The following POU6F1 variants were observed in gnomAD, a reference collection of about 807,000 sequenced individuals.
The protein encoded by POU6F1 is POU domain, class 6, transcription factor 1.
A neutral mutation model predicts 28.9 loss-of-function variants in POU6F1; 9 were observed. That is an observed-to-expected ratio of 0.31 (90% CI 0.19 to 0.54). The LOEUF is 0.54. Among genes scored for constraint, POU6F1 ranks in the 20% least tolerant of loss-of-function variants. The pLI is 0.94. For missense variants in POU6F1, 338 were observed against 426.1 expected (o/e 0.79, Z 1.82); for synonymous variants, 173 against 171.1 (o/e 1.01, Z -0.09).
In POU6F1 at chr12:51,190,279, T is replaced by C; in HGVS notation, c.1804A>G (p.Thr602Ala). Residue 602 changes from threonine (T) to alanine (A), a missense_variant, in exon 11 of 11, where the codon ACC (threonine) becomes GCC (alanine). Physicochemically the swap from Thr to Ala is moderately conservative, Grantham distance 58 (BLOSUM62 0). Around this residue, in one of 3 missense-constraint regions of POU6F1, gnomAD observed 126 missense variants for 176.5 expected, o/e 0.71. Coordinates refer to ENST00000333640, the MANE Select transcript of POU6F1 (RefSeq NM_001330422.2). This position sits in a 1 kb window ranked among gnomAD's most constrained non-coding sequence, Gnocchi z 4.5. ...ATCTGAAAGACGTTCAGCTTGCTGG[T>C]GTTCTTGAGCGTCTGGCGCCGATTG... ...FCNRRQTLKN[T>A]SKLNVFQIP 1 of 1,614,182 alleles carries C rather than the reference T, an allele frequency of 6.2e-7. No homozygotes were observed.
At chr12:51,194,119 C>T (rs913163277) in intron 8 of POU6F1, among the ~76,000 whole-genome samples, 7 of 152,108 alleles carry the variant, frequency 4.6e-5, no homozygotes, top group South Asian at 2.1e-4. Context: ...CTCTGCCTCC[C>T]GGGTTCAAGC....
intron 1 of POU6F1, among the ~76,000 whole-genome samples, chr12:51,213,517 T>C (rs1324376978): frequency 6.6e-6 from 1 of 151,990 alleles, no homozygotes; most frequent in Non-Finnish European, 1.5e-5. Flanking sequence ...CCTGGCCCAT[T>C]TCTATGGTTT....
At chr12:51,209,341 T>C (rs1943834866) in intron 1 of POU6F1, among the ~76,000 whole-genome samples, 1 of 152,236 alleles carries the variant, frequency 6.6e-6, no homozygotes, top group South Asian at 2.1e-4. Flanking sequence ...GCTTTCTCTA[T>C]GGGGTTCCCT....
rs879596037 is a variant in POU6F1, at chr12:51,217,425, C to T, written c.-48+217G>A. Reference sequence around the variant, plus strand: ...GGGCGCGGCCCCCGGGTGTCTAGCCCCAGCTGGGCAACCGCGCGCTGTCCC... The same window carrying T: ...GGGCGCGGCCCCCGGGTGTCTAGCCTCAGCTGGGCAACCGCGCGCTGTCCC... On this transcript the variant is annotated intron_variant, in intron 1 of 10. Coordinates refer to ENST00000333640, the MANE Select transcript of POU6F1 (RefSeq NM_001330422.2). This position sits in a 1 kb window ranked among gnomAD's most constrained non-coding sequence, Gnocchi z 5.3. Among the ~76,000 whole-genome samples, 3 of 152,060 alleles carry T rather than the reference C, an allele frequency of 2.0e-5. No homozygotes were observed. The highest frequency in any genetic ancestry group is 6.6e-5 in the Admixed American group (1 of 15,266).
At position 51,192,407 on chromosome 12, in the gene POU6F1, G is replaced by A. The variant is rs775556923; in HGVS notation, c.1244C>T (p.Pro415Leu). The change falls in exon 9 of 11, where the codon CCA becomes CTA. Residue 415 changes from proline to leucine, a missense_variant. Coordinates refer to ENST00000333640, the MANE Select transcript of POU6F1 (RefSeq NM_001330422.2). ...AGCAGAGGCAGATGGCTTGGCGGCT[G>A]GAGCTGGGCTGGCAATGACCACAGC... ...QPAVVIASPAPAAKPSASAPI... is the reference protein window; with the variant it reads ...QPAVVIASPALAAKPSASAPI... The A allele has an allele frequency of 6.2e-7, 1 of 1,614,124 alleles. No homozygotes were observed. Among genetic ancestry groups the A allele is most frequent in the Non-Finnish European group, 8.5e-7 (1 of 1,180,034 alleles).
chr12:51,193,377 C>T (rs922296083), intron 8 of POU6F1, among the ~76,000 whole-genome samples: 3 of 152,182 alleles, frequency 2.0e-5, no homozygotes, highest in African/African-American at 7.2e-5. Flanking sequence ...GAGTTCAAGA[C>T]CAGCCTGGCT....
chr12:51,190,826 C>T lies in POU6F1; in HGVS notation c.1491-234G>A, dbSNP rs148351378. Among the ~76,000 whole-genome samples, 3 of 152,232 alleles carry T rather than the reference C, an allele frequency of 2.0e-5. No individual in the cohort carries two copies. Among genetic ancestry groups the T allele is most frequent in the South Asian group, 2.1e-4 (1 of 4,822 alleles). The stretch of plus-strand genomic sequence containing the variant: ...AACAGGGAAACCATTCCCACGGCCT[C>T]GGCTCAGTCAGTAGTGGAATAATAA... On this transcript the variant is annotated intron_variant, in intron 10 of 10. Coordinates refer to ENST00000333640, the MANE Select transcript of POU6F1 (RefSeq NM_001330422.2). This position sits in a 1 kb window ranked among gnomAD's most constrained non-coding sequence, Gnocchi z 4.5.
At chr12:51,207,462 G>A (rs893083634) in intron 1 of POU6F1, 1 of 152,200 alleles carries the variant, frequency 6.6e-6, no homozygotes, top group Non-Finnish European at 1.5e-5. Context: ...CCAGTCCGGT[G>A]GGAGAGCACA....
At chr12:51,192,571 T>A (rs1226221314) in intron 8 of POU6F1, 100 bp from the exon 9 acceptor site, 2 of 1,458,792 alleles carry the variant, frequency 1.4e-6, no homozygotes, top group Non-Finnish European at 1.9e-6. Context: ...AGACATGAAA[T>A]CCTCACGCAT....
At chr12:51,206,402 GAC>G (rs1943620756) in intron 2 of POU6F1, among the ~76,000 whole-genome samples, 1 of 149,258 alleles carries the variant, frequency 6.7e-6, no homozygotes, top group Non-Finnish European at 1.5e-5. Context: ...CAGCCTGGGT[GAC>G]AGAGTGAGAC....
Position 51,189,345 on chromosome 12 carries a change from T to G in POU6F1, c.*902A>C, listed in dbSNP as rs1190602336. The G allele has an allele frequency of 1.3e-4, 20 of 152,178 alleles. No individual in the cohort carries two copies. The highest frequency in any genetic ancestry group is 1.3e-3 in the Admixed American group (20 of 15,222). 9.4% of individuals were successfully genotyped at this position (152,178 alleles called of 1,614,324 possible). A position where few individuals can be genotyped will look rare whatever the true frequency, so the allele number is the denominator to read the frequency against. ...AAAGTCAGCATTCCTTTCCTTATTT[T>G]TCTCCAGAGTTGCCCGTTTGCTTGC... On this transcript the variant is annotated 3_prime_UTR_variant, in exon 11 of 11. Transcript: ENST00000333640.
In POU6F1 at chr12:51,190,620, GCAGTGAGAGCATGTTGGTCTCTTTGGCA is replaced by G. The variant is rs778321807; in HGVS notation, c.1491-56_1491-29del. ...GTGGGCAACCCATACCCAGGAAGAG[GCAGTGAGAGCATGTTGGTCTCTTTGGCA>G]CACCCCGCACCTAGGTGCAGGCTCC... On this transcript the variant is annotated intron_variant, in intron 10 of 10. Coordinates refer to ENST00000333640, the MANE Select transcript of POU6F1 (RefSeq NM_001330422.2). The surrounding 1 kb of genome is among the most constrained non-coding windows in gnomAD (Gnocchi z 4.5). 3.7e-6 allele frequency: 6 copies of G among 1,604,140 alleles called. No individual in the cohort carries two copies. The South Asian group carries it at 4.4e-5, about 12-fold the overall frequency.
rs144653185 is a variant in POU6F1, at chr12:51,188,528, C to A, written c.*1719G>T. The A allele has an allele frequency of 1.3e-5, 2 of 152,330 alleles. No homozygotes were observed. The highest frequency in any genetic ancestry group is 2.9e-5 in the Non-Finnish European group (2 of 68,078). The allele number at this position is 152,330 out of a possible 1,614,324, so 9.4% of individuals were successfully genotyped here. ...CGCGCGTCTGTGCGCGCTGCACGTG[C>A]GTGTGCTAATTCAGCACACAACTGT... On this transcript the variant is annotated 3_prime_UTR_variant, in exon 11 of 11. Coordinates refer to ENST00000333640, the MANE Select transcript of POU6F1 (RefSeq NM_001330422.2).
chr12:51,208,002 G>A (rs533370706), intron 1 of POU6F1, among the ~76,000 whole-genome samples: 71 of 152,198 alleles, frequency 4.7e-4, no homozygotes, highest in African/African-American at 1.6e-3. Flanking sequence ...GTTGGGCGCA[G>A]AGGCTCACGC....
rs566690066 is a variant in POU6F1 at position 51,189,809 on chromosome 12, G to A, written c.*438C>T. 1.1e-5 allele frequency: 2 copies of A among 186,886 alleles called. No homozygotes were observed. The highest frequency in any genetic ancestry group is 2.3e-4 in the South Asian group (2 of 8,550). The allele number at this position is 186,886 out of a possible 1,614,324, so 11.6% of individuals were successfully genotyped here. On this transcript the variant is annotated 3_prime_UTR_variant, in exon 11 of 11. Coordinates refer to ENST00000333640, the MANE Select transcript of POU6F1 (RefSeq NM_001330422.2). ...TTCCACTGGATGAGTTGTCATACCT[G>A]CCACACTAACACAGAGGAGCAAAGG...
Position 51,190,569 on chromosome 12 carries a change from G to C in POU6F1, c.1514C>G (p.Pro505Arg). Residue 505 changes from proline (P) to arginine (R), a missense_variant, in exon 11 of 11, where the codon CCC (proline) becomes CGC (arginine). Around this residue, in one of 3 missense-constraint regions of POU6F1, gnomAD observed 126 missense variants for 176.5 expected, o/e 0.71. Transcript: ENST00000333640. This position sits in a 1 kb window ranked among gnomAD's most constrained non-coding sequence, Gnocchi z 4.5. The part of the protein sequence containing the change: ...ICRFEKLDIT[P>R]KSAQKLKPVL... ...CGGCTTTAGCTTCTGGGCACTCTTG[G>C]GTGTGATGTCTAGCTTCTCGAACCT... The C allele has an allele frequency of 1.9e-6, 3 of 1,613,602 alleles. No homozygotes were observed. The highest frequency in any genetic ancestry group is 2.5e-6 in the Non-Finnish European group (3 of 1,179,690).
intron 8 of POU6F1, among the ~76,000 whole-genome samples, chr12:51,192,904 CAAA>C (rs11361026): frequency 1.8e-5 from 2 of 110,980 alleles, no homozygotes; most frequent in African/African-American, 3.2e-5. Context: ...GACTCCGTCT[CAAA>C]AAAAAAAAAA....
rs1943010540 is a variant in POU6F1, at chr12:51,198,636, G to A, written c.506C>T (p.Pro169Leu). Residue 169 changes from proline to leucine, a missense_variant, in exon 5 of 11, where the codon CCT becomes CTT. By Grantham distance (98) the Pro-to-Leu change is moderately conservative (BLOSUM62 -3). Around this residue, in one of 3 missense-constraint regions of POU6F1, gnomAD observed 206 missense variants for 225.6 expected, o/e 0.91. Transcript: ENST00000333640. ...GQQGLAVWTI[P>L]TATVAALPGL... is the part of the protein sequence containing the mutation. ...TGGGAGGGCAGCCACAGTTGCTGTA[G>A]GAATTGTCCACACGGCCAGCCCCTG... 3 of 399,178 alleles carry A rather than the reference G, an allele frequency of 7.5e-6. No homozygotes were observed. The highest frequency in any genetic ancestry group is 6.2e-5 in the African/African-American group (3 of 48,630). The allele number at this position is 399,178 out of a possible 1,614,324, so 24.7% of individuals were successfully genotyped here. A position where few individuals can be genotyped will look rare whatever the true frequency, so the allele number is the denominator to read the frequency against.
At chr12:51,207,444 G>A (rs1435200241) in intron 1 of POU6F1, 2 of 152,150 alleles carry the variant, frequency 1.3e-5, no homozygotes, top group Non-Finnish European at 2.9e-5. Context: ...TCTGTCCCTG[G>A]GGCCTCCCCA....
Sources: gnomAD v4.1 joint callset for allele counts (sites outside exome capture counted in the v4.1 genomes callset) on GRCh38, gnomAD v4.1.1 for gene constraint, gnomAD v4.1.1 regional missense constraint, Gnocchi (gnomAD v3.1) non-coding constraint, MANE v1.5 for transcripts, NCBI Gene and HGNC (gene_info 2026-07-23, HGNC 2026-07-21) for gene names.